Variants in USP48 observed in about 807,000 individuals in gnomAD.
The protein encoded by USP48 is ubiquitin carboxyl-terminal hydrolase 48.
A neutral mutation model predicts 150.7 loss-of-function variants in USP48; 43 were observed. That is an observed-to-expected ratio of 0.29 (90% CI 0.22 to 0.37). The LOEUF (loss-of-function observed/expected upper bound fraction) is 0.37, where lower values mean the gene tolerates loss of function less well. Ranked by LOEUF, USP48 falls within the 10% of genes least tolerant of loss-of-function variation. The pLI, the probability that USP48 is intolerant of heterozygous loss-of-function variation, is 1.00. For synonymous variants in USP48, 396 were observed against 425.9 expected (o/e 0.93, Z 0.86); for missense variants, 813 against 1,249.6 (o/e 0.65, Z 5.27).
In USP48 at chr1:21,752,580, A is replaced by T; in HGVS notation, c.612T>A (p.Asp204Glu). 6.2e-7 allele frequency: 1 copy of T among 1,613,512 alleles called. No individual in the cohort carries two copies. ...ACTGCTGTTGAACAATATTGCGCAC[A>T]TCTGGATTCTTTTGTTTAGACAAAG... ...EDTLSKQKNPDVRNIVQQQFC... is the reference protein window; with the variant it reads ...EDTLSKQKNPEVRNIVQQQFC... The change falls in exon 5 of 27, where the codon GAT becomes GAA. Residue 204 changes from aspartate to glutamate, a missense_variant. Physicochemically the swap from Asp to Glu is conservative, Grantham distance 45 (BLOSUM62 2). Transcript: ENST00000308271.
In USP48 at chr1:21,770,547, T is replaced by C. The variant is rs943354229; in HGVS notation, c.134+12277A>G. On this transcript the variant is annotated intron_variant, in intron 1 of 26. Transcript: ENST00000308271. ...CCCAGGCTGGAGTGCAGAGGCATGA[T>C]CTCAGCTCACTGCAACCTCCGCCTC... Among the ~76,000 whole-genome samples, 4 of 149,984 alleles carry C rather than the reference T, an allele frequency of 2.7e-5. No homozygotes were observed. The Admixed American group carries it at 2.7e-4, about 10-fold the overall frequency.
intron 9 of USP48, among the ~76,000 whole-genome samples, chr1:21,730,581 C>T (rs1055840170): frequency 6.6e-6 from 1 of 151,798 alleles, no homozygotes; most frequent in Admixed American, 6.6e-5. Flanking sequence ...GTAATCCCAG[C>T]TATTCGGGAG....
chr1:21,686,763 G>A (rs2152495288), intron 25 of USP48: 1 of 167,654 alleles, frequency 6.0e-6, no homozygotes, highest in Non-Finnish European at 1.3e-5. Flanking sequence ...AGGTGGAGAT[G>A]GGGAAGTGAC....
intron 9 of USP48, among the ~76,000 whole-genome samples, chr1:21,731,342 C>A (rs1030079895): frequency 6.6e-6 from 1 of 151,904 alleles, no homozygotes; most frequent in African/African-American, 2.4e-5. Flanking sequence ...CAGTGTACTG[C>A]AATCTCTGCC....
chr1:21,697,202 G>A (rs1011664121), intron 22 of USP48, among the ~76,000 whole-genome samples: 36 of 151,950 alleles, frequency 2.4e-4, no homozygotes, highest in Non-Finnish European at 2.4e-4. Flanking sequence ...TCAGGGTGCC[G>A]ACCACTGGCG....
intron 1 of USP48, among the ~76,000 whole-genome samples, chr1:21,761,845 T>A (rs371769018): frequency 1.2e-4 from 19 of 152,316 alleles, no homozygotes; most frequent in African/African-American, 4.3e-4. Flanking sequence ...ATATCAAAGC[T>A]AGGAGGGAAA....
At chr1:21,763,459 A>G (rs963181567) in intron 1 of USP48, among the ~76,000 whole-genome samples, 3 of 152,218 alleles carry the variant, frequency 2.0e-5, no homozygotes, top group African/African-American at 7.2e-5. Flanking sequence ...ACATAGCCCA[A>G]TATGGGGGGG....
intron 22 of USP48, among the ~76,000 whole-genome samples, chr1:21,700,698 A>C (rs2097652902): frequency 6.6e-6 from 1 of 152,178 alleles, no homozygotes; most frequent in Non-Finnish European, 1.5e-5. Context: ...AATATCCTCC[A>C]ATGTGGGGGT....
At chr1:21,763,675 C>A (rs556481550) in intron 1 of USP48, among the ~76,000 whole-genome samples, 1 of 152,182 alleles carries the variant, frequency 6.6e-6, no homozygotes, top group East Asian at 1.9e-4. Context: ...ATTAGCCAGG[C>A]GTGGTGGCAC....
At chr1:21,731,423 C>A (rs2097756577) in intron 9 of USP48, among the ~76,000 whole-genome samples, 1 of 151,796 alleles carries the variant, frequency 6.6e-6, no homozygotes, top group South Asian at 2.1e-4. Flanking sequence ...GTCACCACGC[C>A]AGGGTAATTT....
chr1:21,739,323 A>G (rs1018817043), intron 8 of USP48, among the ~76,000 whole-genome samples: 1 of 152,032 alleles, frequency 6.6e-6, no homozygotes, highest in African/African-American at 2.4e-5. Flanking sequence ...GTTTGAGACT[A>G]GCCTGGCCAG....
At position 21,735,884 on chromosome 1, in the gene USP48, G is replaced by A. The variant is rs1296980769; in HGVS notation, c.1171+562C>T. Among the ~76,000 whole-genome samples, 8 of 63,900 alleles carry A rather than the reference G, an allele frequency of 1.3e-4. No individual in the cohort carries two copies. In the South Asian group the frequency reaches 3.1e-3, roughly 25 times the overall value. The allele number at this position is 63,900 out of a possible 152,430, so 41.9% of individuals were successfully genotyped here. On this transcript the variant is annotated intron_variant, in intron 9 of 26. Coordinates refer to ENST00000308271, the MANE Select transcript of USP48 (RefSeq NM_032236.8). ...GCCTGGACAAGAAGGCAACAAGAGC[G>A]GAAAAAAAAAAAAAAAAAGGAAAGA...
intron 23 of USP48, among the ~76,000 whole-genome samples, chr1:21,694,572 C>CAAAAAAAAAAAAAAAAAAAAAAAA (rs1204062748): frequency 1.7e-4 from 2 of 12,020 alleles, no homozygotes; most frequent in African/African-American, 9.2e-4. Context: ...TCTGTCTCAC[C>CAAAAAAAAAAAAAAAAAAAAAAAA]AAAAAAAAAA....
chr1:21,767,438 C>T (rs2097864846), intron 1 of USP48, among the ~76,000 whole-genome samples: 1 of 152,132 alleles, frequency 6.6e-6, no homozygotes, highest in Non-Finnish European at 1.5e-5. Context: ...GATTCTCCTG[C>T]CTCAGCCTCC....
intron 2 of USP48, chr1:21,757,067 A>G (rs574567439): frequency 1.1e-6 from 1 of 910,002 alleles, no homozygotes; most frequent in Non-Finnish European, 1.3e-6. Context: ...GCAGAATGAC[A>G]AAGTAAAACT....
intron 9 of USP48, among the ~76,000 whole-genome samples, chr1:21,732,361 G>A (rs1186921146): frequency 6.6e-6 from 1 of 152,074 alleles, no homozygotes; most frequent in African/African-American, 2.4e-5. Context: ...TTCTAAAATG[G>A]ATCTGCCTCA....
intron 3 of USP48, among the ~76,000 whole-genome samples, chr1:21,754,403 A>C (rs2097825930): frequency 6.6e-6 from 1 of 152,200 alleles, no homozygotes; most frequent in Non-Finnish European, 1.5e-5. Context: ...TAGAGTTGAA[A>C]GTTTTAATGA....
intron 14 of USP48, among the ~76,000 whole-genome samples, chr1:21,718,762 TG>T (rs1344582266): frequency 6.6e-6 from 1 of 151,956 alleles, no homozygotes; most frequent in East Asian, 1.9e-4. Flanking sequence ...TTCACCATGT[TG>T]GTCAGGCTGA....
rs761005532 is a variant in USP48, at chr1:21,705,709, T to TG, written c.2384+17dup. ...GAGAAAAGAAGAAAAAAAAATCACA[T>TG]GAAGAGAAGGAACTCACAGTTTAGA... On this transcript the variant is annotated intron_variant, in intron 19 of 26. Transcript: ENST00000308271. The TG allele has an allele frequency of 1.5e-4, 226 of 1,540,356 alleles. No individual in the cohort carries two copies. The African/African-American group carries it at 2.7e-3, about 18-fold the overall frequency.
Sources: allele counts gnomAD v4.1 joint callset (sites outside exome capture counted in the v4.1 genomes callset), GRCh38; gene constraint gnomAD v4.1.1; transcripts MANE v1.5; gene names NCBI Gene and HGNC (gene_info 2026-07-23, HGNC 2026-07-21).